The following TBC1D19 variants were observed in gnomAD, a reference collection of about 807,000 sequenced individuals.
The protein encoded by TBC1D19 is TBC1 domain family member 19.
Under a neutral mutation model 89.0 loss-of-function variants are expected in TBC1D19, and 60 were observed. The ratio of observed to expected loss-of-function variants is 0.67; its 90% CI spans 0.55 to 0.84. The LOEUF (loss-of-function observed/expected upper bound fraction) is 0.84, where lower values mean the gene tolerates loss of function less well. Ranked by LOEUF, TBC1D19 falls within the 40% of genes least tolerant of loss-of-function variation. TBC1D19 has a pLI of 0.00. For missense variants in TBC1D19, 500 were observed against 610.8 expected (o/e 0.82, Z 1.91); for synonymous variants, 189 against 199.7 (o/e 0.95, Z 0.45).
the TBC1D19 span, among the ~76,000 whole-genome samples, chr4:26,789,428 CA>C: frequency 1.4e-3 from 206 of 152,182 alleles, 1 homozygote; most frequent in African/African-American, 4.8e-3. Context: ...CAAAAGAAGA[CA>C]AAACAAATGG....
At chr4:26,734,154 G>C (rs992797850) in intron 15 of TBC1D19, among the ~76,000 whole-genome samples, 1 of 152,176 alleles carries the variant, frequency 6.6e-6, no homozygotes, top group Non-Finnish European at 1.5e-5. Flanking sequence ...GGGAGCCAGA[G>C]TTTGGCTCAC....
intron 13 of TBC1D19, among the ~76,000 whole-genome samples, chr4:26,708,358 T>A (rs1263261385): frequency 6.6e-6 from 1 of 152,044 alleles, no homozygotes; most frequent in Non-Finnish European, 1.5e-5. Context: ...ATCCTTTATA[T>A]TTAATGAGTC....
chr4:26,609,714 G>A (rs1402004378), intron 1 of TBC1D19, among the ~76,000 whole-genome samples: 1 of 152,142 alleles, frequency 6.6e-6, no homozygotes, highest in South Asian at 2.1e-4. Context: ...TAGACTTCTT[G>A]TGTAAGCTGT....
chr4:26,682,567 G>A (rs1278626313), intron 11 of TBC1D19, among the ~76,000 whole-genome samples: 1 of 152,204 alleles, frequency 6.6e-6, no homozygotes, highest in Non-Finnish European at 1.5e-5. Context: ...GTCAGGAGGA[G>A]TCATACAGAT....
chr4:26,768,491 G>A, the TBC1D19 span, among the ~76,000 whole-genome samples: 1 of 152,174 alleles, frequency 6.6e-6, no homozygotes, highest in Admixed American at 6.5e-5. Context: ...TTAGACTCAT[G>A]ATAGGAACAA....
chr4:26,665,024 G>A (rs1228325188), intron 8 of TBC1D19, among the ~76,000 whole-genome samples: 2 of 152,054 alleles, frequency 1.3e-5, no homozygotes, highest in African/African-American at 2.4e-5. Context: ...GTTGGCCGAC[G>A]ATCGCTCTAA....
chr4:26,593,652 A>C (rs563312150), intron 1 of TBC1D19, among the ~76,000 whole-genome samples: 1 of 152,286 alleles, frequency 6.6e-6, no homozygotes, highest in Non-Finnish European at 1.5e-5. Context: ...AGAAAAAAAC[A>C]ATCAACCCCA....
At chr4:26,619,433 C>G (rs1410956797) in intron 3 of TBC1D19, among the ~76,000 whole-genome samples, 2 of 152,094 alleles carry the variant, frequency 1.3e-5, no homozygotes, top group East Asian at 3.9e-4. Flanking sequence ...TCTCGAGCTC[C>G]TGACCTCGTG....
At chr4:26,747,961 A>G (rs541126231) in intron 18 of TBC1D19, among the ~76,000 whole-genome samples, 3 of 152,340 alleles carry the variant, frequency 2.0e-5, no homozygotes, top group African/African-American at 7.2e-5. Flanking sequence ...TTCATCCTAT[A>G]TAGCCATTTG....
At chr4:26,682,899 G>GCATTTTC (rs1299816700) in intron 11 of TBC1D19, among the ~76,000 whole-genome samples, 49 of 151,736 alleles carry the variant, frequency 3.2e-4, no homozygotes, top group African/African-American at 1.1e-3. Flanking sequence ...TCATCGTTGT[G>GCATTTTC]CAGTTAATCA....
intron 13 of TBC1D19, among the ~76,000 whole-genome samples, chr4:26,691,259 T>C (rs994165055): frequency 6.6e-6 from 1 of 152,264 alleles, no homozygotes. Flanking sequence ...AGATGGACTC[T>C]ACTCTTGGTG....
chr4:26,643,340 C>T (rs569660987), intron 7 of TBC1D19, among the ~76,000 whole-genome samples: 8 of 152,168 alleles, frequency 5.3e-5, no homozygotes, highest in Admixed American at 2.6e-4. Flanking sequence ...GGGTACATAA[C>T]GAAATGAAGG....
chr4:26,592,545 A>G (rs1739890095), intron 1 of TBC1D19, among the ~76,000 whole-genome samples: 1 of 152,142 alleles, frequency 6.6e-6, no homozygotes, highest in Non-Finnish European at 1.5e-5. Context: ...AGGAAATCAA[A>G]TTGTCCCTGT....
chr4:26,823,565 C>T, the TBC1D19 span, among the ~76,000 whole-genome samples: 1 of 152,196 alleles, frequency 6.6e-6, no homozygotes, highest in Admixed American at 6.5e-5. Flanking sequence ...GGGAGAGAGC[C>T]CAGAGTTGCG....
At chr4:26,652,029 G>A (rs1428671466) in intron 7 of TBC1D19, among the ~76,000 whole-genome samples, 4 of 151,874 alleles carry the variant, frequency 2.6e-5, no homozygotes, top group African/African-American at 9.7e-5. Flanking sequence ...TGATTTGCAT[G>A]TGTTTAACCA....
intron 11 of TBC1D19, among the ~76,000 whole-genome samples, chr4:26,678,155 T>G (rs1327087804): frequency 1.3e-5 from 2 of 152,096 alleles, no homozygotes; most frequent in African/African-American, 4.8e-5. Context: ...ATGTTGATAG[T>G]GATATGGACA....
the TBC1D19 span, among the ~76,000 whole-genome samples, chr4:26,813,516 T>C: frequency 6.6e-6 from 1 of 152,202 alleles, no homozygotes; most frequent in Non-Finnish European, 1.5e-5. Flanking sequence ...AGTGCTGTCT[T>C]AGACCCTGCT....
At chr4:26,730,496 C>A (rs1037435118) in intron 15 of TBC1D19, among the ~76,000 whole-genome samples, 20 of 151,984 alleles carry the variant, frequency 1.3e-4, no homozygotes, top group African/African-American at 4.8e-4. Flanking sequence ...TTTGCAGGGC[C>A]CAGAGCAGAA....
chr4:26,691,536 C>G (rs2109169291), intron 13 of TBC1D19, among the ~76,000 whole-genome samples: 1 of 152,308 alleles, frequency 6.6e-6, no homozygotes, highest in East Asian at 1.9e-4. Flanking sequence ...TGAAGCAAGA[C>G]CCTCCACCAA....
Sources: allele counts gnomAD v4.1 joint callset (sites outside exome capture counted in the v4.1 genomes callset), GRCh38; gene constraint gnomAD v4.1.1; transcripts MANE v1.5; gene names NCBI Gene and HGNC (gene_info 2026-07-23, HGNC 2026-07-21).